Variants in PLAG1 observed in about 807,000 individuals in gnomAD.
PLAG1 encodes zinc finger protein PLAG1.
In PLAG1, 7 loss-of-function variants were observed where a neutral mutation model predicts 35.5. The ratio of observed to expected loss-of-function variants is 0.20; its 90% CI spans 0.11 to 0.37. The LOEUF is 0.37. Among genes scored for constraint, PLAG1 ranks in the 10% least tolerant of loss-of-function variants. The pLI is 1.00. For missense variants in PLAG1, 454 were observed against 602.8 expected (o/e 0.75, Z 2.58); for synonymous variants, 229 against 225.4 (o/e 1.02, Z -0.14).
At position 56,166,277 on chromosome 8, in the gene PLAG1, G is replaced by C; in HGVS notation, c.1469C>G (p.Thr490Ser). The change falls in exon 5 of 5, where the codon ACC becomes AGC. Residue 490 changes from threonine (T) to serine (S), a missense_variant. Thr to Ser is a moderately conservative substitution (Grantham distance 58). Transcript: ENST00000316981. ...AAFTSSLSTSTTLPRFHQAFQ is the reference protein window; with the variant it reads ...AAFTSSLSTSSTLPRFHQAFQ ...AGCTTGATGGAAACGTGGGAGGGTG[G>C]TACTTGTGCTTAAACTGCTGGTGAA... is the stretch of plus-strand genomic sequence containing the variant. 6.2e-7 allele frequency: 1 copy of C among 1,606,462 alleles called. No homozygotes were observed. Among genetic ancestry groups the C allele is most frequent in the South Asian group, 1.1e-5 (1 of 89,946 alleles).
Position 56,164,363 on chromosome 8 carries a change from A to C in PLAG1, c.*1880T>G, listed in dbSNP as rs1811293758. 9.2e-6 allele frequency: 2 copies of C among 217,864 alleles called. No individual in the cohort carries two copies. 13.5% of individuals were successfully genotyped at this position (217,864 alleles called of 1,614,324 possible). A position where few individuals can be genotyped will look rare whatever the true frequency, so the allele number is the denominator to read the frequency against. On this transcript the variant is annotated 3_prime_UTR_variant, in exon 5 of 5. Transcript: ENST00000316981. The stretch of plus-strand genomic sequence containing the variant: ...ATTATATATATATATTGAAGCCCCC[A>C]TTTACATTATTACAATTTACATTTC...
rs573118441 is a variant in PLAG1 at position 56,175,996 on chromosome 8, A to G, written c.-217+3413T>C. ...GTTTATTTTATAGAGCAAAAATGCC[A>G]CGTTAAGTTAAAAGTTTTTTTTCTC... is the stretch of plus-strand genomic sequence containing the variant. On this transcript the variant is annotated intron_variant, in intron 2 of 4. Transcript: ENST00000316981. Among the ~76,000 whole-genome samples, 13 of 151,450 alleles carry G rather than the reference A, an allele frequency of 8.6e-5. 1 individual carries two copies. The Middle Eastern group carries it at 0.01, about 121-fold the overall frequency.
Position 56,167,271 on chromosome 8 carries a change from A to G in PLAG1, c.475T>C (p.Phe159Leu). Reference protein sequence around the residue: ...DLTCKVCLQTFESTGVLLEHL... With the variant: ...DLTCKVCLQTLESTGVLLEHL... ...TCCAGAAGCACTCCCGTGCTTTCAA[A>G]AGTTTGCAAACATACCTTACAGGTG... The change falls in exon 5 of 5, where the codon TTT becomes CTT. Residue 159 changes from phenylalanine to leucine, a missense_variant. Phe to Leu is a conservative substitution (Grantham distance 22). Coordinates refer to ENST00000316981, the MANE Select transcript of PLAG1 (RefSeq NM_002655.3). The surrounding 1 kb of genome is among the most constrained non-coding windows in gnomAD (Gnocchi z 5.9). The G allele has an allele frequency of 6.2e-7, 1 of 1,614,092 alleles. No homozygotes were observed.
At chr8:56,196,960 G>A (rs1195459130) in intron 1 of PLAG1, among the ~76,000 whole-genome samples, 3 of 111,458 alleles carry the variant, frequency 2.7e-5, no homozygotes, top group South Asian at 5.5e-4. Flanking sequence ...GCGTGTGTGT[G>A]TGTGTGTGTG....
In PLAG1 at chr8:56,163,384, G is replaced by C. The variant is rs1467322076; in HGVS notation, c.*2859C>G. The C allele has an allele frequency of 2.5e-5, 5 of 197,836 alleles. No individual in the cohort carries two copies. The highest frequency in any genetic ancestry group is 2.3e-4 in the East Asian group (3 of 12,806). 12.3% of individuals were successfully genotyped at this position (197,836 alleles called of 1,614,324 possible). ...TTCTAGGGAAAAAAAAGCCAATTCT[G>C]TGTTACATCCTTGTTAGAACATTGT... is the stretch of plus-strand genomic sequence containing the variant. On this transcript the variant is annotated 3_prime_UTR_variant, in exon 5 of 5. Coordinates refer to ENST00000316981, the MANE Select transcript of PLAG1 (RefSeq NM_002655.3).
At chr8:56,210,001 C>A (rs966547949) in intron 1 of PLAG1, among the ~76,000 whole-genome samples, 3 of 152,164 alleles carry the variant, frequency 2.0e-5, no homozygotes, top group Non-Finnish European at 2.9e-5. Flanking sequence ...TAGTGTTTAT[C>A]TTATCTGAGA....
At chr8:56,178,491 A>C (rs188593656) in intron 2 of PLAG1, among the ~76,000 whole-genome samples, 14 of 152,352 alleles carry the variant, frequency 9.2e-5, no homozygotes, top group Admixed American at 9.1e-4. Context: ...GATAGCTAAA[A>C]TTTTAATGCT....
At chr8:56,202,685 A>G (rs1415900859) in intron 1 of PLAG1, among the ~76,000 whole-genome samples, 1 of 152,268 alleles carries the variant, frequency 6.6e-6, no homozygotes, top group African/African-American at 2.4e-5. Flanking sequence ...CAAGCACCAC[A>G]TGAGATCTAA....
chr8:56,193,688 A>ACC (rs1812256215), intron 1 of PLAG1, among the ~76,000 whole-genome samples: 4 of 149,990 alleles, frequency 2.7e-5, no homozygotes, highest in Admixed American at 2.7e-4. Context: ...ATCTTTCATT[A>ACC]GGTAAACTTT....
chr8:56,205,950 ACT>A (rs1272111187), intron 1 of PLAG1, among the ~76,000 whole-genome samples: 2 of 152,068 alleles, frequency 1.3e-5, no homozygotes, highest in African/African-American at 2.4e-5. Context: ...TCCTGTAGTA[ACT>A]CTGTTTATAA....
intron 1 of PLAG1, among the ~76,000 whole-genome samples, chr8:56,190,229 A>G (rs1426418172): frequency 6.6e-6 from 1 of 152,108 alleles, no homozygotes; most frequent in Non-Finnish European, 1.5e-5. Flanking sequence ...GACTAGGGGG[A>G]AGATGGCATA....
At chr8:56,200,814 C>T (rs1386067660) in intron 1 of PLAG1, among the ~76,000 whole-genome samples, 3 of 152,124 alleles carry the variant, frequency 2.0e-5, no homozygotes, top group Non-Finnish European at 4.4e-5. Context: ...CCCTTGAGCA[C>T]CTATAGTTTT....
intron 1 of PLAG1, among the ~76,000 whole-genome samples, chr8:56,194,581 G>C (rs1306749369): frequency 6.6e-6 from 1 of 151,538 alleles, no homozygotes; most frequent in Non-Finnish European, 1.5e-5. Flanking sequence ...CACTGGGTGT[G>C]TGTGTGTGTG....
intron 1 of PLAG1, among the ~76,000 whole-genome samples, chr8:56,210,739 T>A (rs1812864588): frequency 6.6e-6 from 1 of 151,758 alleles, no homozygotes; most frequent in Non-Finnish European, 1.5e-5. Flanking sequence ...CTGCTGCCGC[T>A]GCCGCTGTCA....
chr8:56,206,105 C>A (rs1410246936), intron 1 of PLAG1, among the ~76,000 whole-genome samples: 2 of 151,698 alleles, frequency 1.3e-5, no homozygotes, highest in African/African-American at 4.8e-5. Flanking sequence ...TAACAACAAA[C>A]ACCAATACAT....
chr8:56,164,782 T>C lies in PLAG1; in HGVS notation c.*1461A>G. The C allele has an allele frequency of 4.7e-6, 1 of 212,528 alleles. No homozygotes were observed. Among genetic ancestry groups the C allele is most frequent in the Non-Finnish European group, 9.6e-6 (1 of 104,542 alleles). The allele number at this position is 212,528 out of a possible 1,614,324, so 13.2% of individuals were successfully genotyped here. A position where few individuals can be genotyped will look rare whatever the true frequency, so the allele number is the denominator to read the frequency against. On this transcript the variant is annotated 3_prime_UTR_variant, in exon 5 of 5. Transcript: ENST00000316981. ...AAAGCCTATAATTATTCAGTGAATA[T>C]AATATATTCTCAATTGTTATTTTCA...
intron 1 of PLAG1, among the ~76,000 whole-genome samples, chr8:56,189,998 G>C (rs1585806810): frequency 1.3e-5 from 2 of 152,180 alleles, no homozygotes; most frequent in South Asian, 2.1e-4. Context: ...CTGCAGGACA[G>C]GTCACTCAGC....
intron 2 of PLAG1, among the ~76,000 whole-genome samples, chr8:56,175,084 A>T (rs933414382): frequency 1.3e-5 from 2 of 152,204 alleles, no homozygotes; most frequent in Non-Finnish European, 2.9e-5. Context: ...TGGTCCAACA[A>T]ATTGAATAAG....
rs904239542 is a variant in PLAG1, at chr8:56,166,213, A to T, written c.*30T>A. On this transcript the variant is annotated 3_prime_UTR_variant, in exon 5 of 5. Coordinates refer to ENST00000316981, the MANE Select transcript of PLAG1 (RefSeq NM_002655.3). ...TCATCTAGGGCACAGCTACACATAC[A>T]TTTCTGTAATGAATCCATGTCCCAG... is the stretch of plus-strand genomic sequence containing the variant. The T allele has an allele frequency of 8.0e-6, 12 of 1,492,704 alleles. No individual in the cohort carries two copies. The highest frequency in any genetic ancestry group is 1.4e-5 in the African/African-American group (1 of 71,394). The allele number at this position is 1,492,704 out of a possible 1,614,324, so 92.5% of individuals were successfully genotyped here.
Sources: allele counts gnomAD v4.1 joint callset (sites outside exome capture counted in the v4.1 genomes callset), GRCh38; gene constraint gnomAD v4.1.1; non-coding constraint Gnocchi (gnomAD v3.1); transcripts MANE v1.5; gene names NCBI Gene and HGNC (gene_info 2026-07-23, HGNC 2026-07-21).